Variants in PCDHGB2 observed in about 807,000 individuals in gnomAD.
PCDHGB2 encodes protocadherin gamma-B2.
A neutral mutation model predicts 59.3 loss-of-function variants in PCDHGB2; 55 were observed. The observed-to-expected ratio is 0.93, with a 90% CI of 0.75 to 1.16. The LOEUF (loss-of-function observed/expected upper bound fraction) is 1.16. Among genes scored for constraint, PCDHGB2 ranks in the 50% most tolerant of loss-of-function variants. The pLI is 0.00. For synonymous variants in PCDHGB2, 516 were observed against 512.0 expected (o/e 1.01, Z -0.11); for missense variants, 1,228 against 1,198.5 (o/e 1.02, Z -0.36).
intron 1 of PCDHGB2, chr5:141,413,750 G>T (rs1325273363): frequency 6.2e-7 from 1 of 1,612,538 alleles, no homozygotes; most frequent in African/African-American, 1.3e-5. Flanking sequence ...CGTGCCAATG[G>T]CGTCAAGTAC....
intron 1 of PCDHGB2, chr5:141,378,642 C>T (rs780445527): frequency 5.9e-5 from 9 of 152,098 alleles, no homozygotes; most frequent in Non-Finnish European, 1.3e-4. Context: ...AATGGGAGAA[C>T]AAATGTTAAT....
chr5:141,479,636 CA>C (rs1397283180), intron 1 of PCDHGB2: 1 of 152,080 alleles, frequency 6.6e-6, no homozygotes, highest in African/African-American at 2.4e-5. Flanking sequence ...TTAACAATAA[CA>C]ACAACAACAA....
chr5:141,506,935 G>A (rs1375246477), intron 3 of PCDHGB2, among the ~76,000 whole-genome samples: 3 of 152,116 alleles, frequency 2.0e-5, no homozygotes, highest in African/African-American at 7.2e-5. Context: ...AACTTTAGGG[G>A]CCTCCTGTCA....
intron 1 of PCDHGB2, among the ~76,000 whole-genome samples, chr5:141,463,573 C>T (rs1331124291): frequency 6.6e-6 from 1 of 151,436 alleles, no homozygotes; most frequent in East Asian, 1.9e-4. Flanking sequence ...CTCAGCCTCC[C>T]GAGTAGCTGG....
At chr5:141,508,859 G>C (rs1268915304) in intron 3 of PCDHGB2, among the ~76,000 whole-genome samples, 1 of 152,086 alleles carries the variant, frequency 6.6e-6, no homozygotes, top group Non-Finnish European at 1.5e-5. Flanking sequence ...CCCAGGCTGG[G>C]AAAGGCTGAA....
Position 141,490,179 on chromosome 5 carries a change from A to G in PCDHGB2, c.2422-4628A>G. On this transcript the variant is annotated intron_variant, in intron 1 of 3. Transcript: ENST00000522605. This position sits in a 1 kb window ranked among gnomAD's most constrained non-coding sequence, Gnocchi z 5.4. Reference sequence around the variant, plus strand: ...TGGGTCCCATAGACTTTGAGGAGTCACGTTTCTATGAAATTCATGCAAGAG... The same window carrying G: ...TGGGTCCCATAGACTTTGAGGAGTCGCGTTTCTATGAAATTCATGCAAGAG... 1 of 1,614,202 alleles carries G rather than the reference A, an allele frequency of 6.2e-7. No individual in the cohort carries two copies. Among genetic ancestry groups the G allele is most frequent in the East Asian group, 2.2e-5 (1 of 44,882 alleles).
chr5:141,400,058 ATGG>A (rs2093953327), intron 1 of PCDHGB2: 1 of 1,613,570 alleles, frequency 6.2e-7, no homozygotes, highest in Admixed American at 1.7e-5. Flanking sequence ...GCTGTGCGTG[ATGG>A]TGGACAGCCG....
Position 141,458,000 on chromosome 5 carries a change from A to G in PCDHGB2, c.2422-36807A>G, listed in dbSNP as rs1047291886. ...CACCCTTTCAGTTAAAGCCTTGGCA[A>G]AATAACCGGTTTTTCCAATTGTGTT... On this transcript the variant is annotated intron_variant, in intron 1 of 3. Coordinates refer to ENST00000522605, the MANE Select transcript of PCDHGB2 (RefSeq NM_018923.3). Among the ~76,000 whole-genome samples, 4 of 152,214 alleles carry G rather than the reference A, an allele frequency of 2.6e-5. No homozygotes were observed. In the East Asian group the frequency reaches 5.8e-4, roughly 22 times the overall value.
intron 1 of PCDHGB2, among the ~76,000 whole-genome samples, chr5:141,445,356 A>C (rs1333905692): frequency 6.6e-6 from 1 of 152,202 alleles, no homozygotes; most frequent in Non-Finnish European, 1.5e-5. Flanking sequence ...TGTCTGCCCA[A>C]GTCTGGTCCT....
At chr5:141,384,697 C>A in intron 1 of PCDHGB2, 1 of 1,614,142 alleles carries the variant, frequency 6.2e-7, no homozygotes, top group South Asian at 1.1e-5. Flanking sequence ...AGATTCAGGC[C>A]AGAACGCCTG....
In PCDHGB2 at chr5:141,374,991, C is replaced by T. The variant is rs1470236717; in HGVS notation, c.2421+12435C>T. 4 of 1,614,036 alleles carry T rather than the reference C, an allele frequency of 2.5e-6. No individual in the cohort carries two copies. The Admixed American group carries it at 5.0e-5, about 20-fold the overall frequency. ...AATGTTTTGACTGGAGAAATTTCAACTTCTGCAAATCTAGACTATGAGGAC... is the reference window on the plus strand; with the variant it reads ...AATGTTTTGACTGGAGAAATTTCAATTTCTGCAAATCTAGACTATGAGGAC... On this transcript the variant is annotated intron_variant, in intron 1 of 3. Transcript: ENST00000522605.
chr5:141,384,094 G>C (rs1223052119), intron 1 of PCDHGB2: 4 of 1,596,266 alleles, frequency 2.5e-6, no homozygotes, highest in Non-Finnish European at 3.4e-6. Flanking sequence ...AAAATCAATA[G>C]ATAATTATTA....
chr5:141,431,127 T>C lies in PCDHGB2; in HGVS notation c.2422-63680T>C, dbSNP rs1455709617. ...AAAATATATGGAGTAGAAGTAGAAG[T>C]AAGGGACATTAACGACAATGCGCCT... On this transcript the variant is annotated intron_variant, in intron 1 of 3. Transcript: ENST00000522605. This position sits in a 1 kb window ranked among gnomAD's most constrained non-coding sequence, Gnocchi z 4.8. 1 of 1,614,176 alleles carries C rather than the reference T, an allele frequency of 6.2e-7. No individual in the cohort carries two copies. Among genetic ancestry groups the C allele is most frequent in the East Asian group, 2.2e-5 (1 of 44,878 alleles).
In PCDHGB2 at chr5:141,383,993, T is replaced by G. The variant is rs1779669421; in HGVS notation, c.2421+21437T>G. The G allele has an allele frequency of 3.7e-6, 6 of 1,613,872 alleles. No individual in the cohort carries two copies. The highest frequency in any genetic ancestry group is 1.6e-4 in the Middle Eastern group (1 of 6,062). ...CCTGAAGACACACCTCTTGGGACAG[T>G]CATTGCTCTTTTCTACCTACAAGAC... On this transcript the variant is annotated intron_variant, in intron 1 of 3. Transcript: ENST00000522605.
chr5:141,383,546 A>G (rs747474981), intron 1 of PCDHGB2: 1 of 1,612,542 alleles, frequency 6.2e-7, no homozygotes, highest in Non-Finnish European at 8.5e-7. Flanking sequence ...ACAGCCTCTG[A>G]TGGCGGCGAC....
intron 1 of PCDHGB2, chr5:141,428,211 C>A: frequency 7.8e-7 from 1 of 1,284,316 alleles, no homozygotes; most frequent in Non-Finnish European, 1.1e-6. Context: ...CTACGCTTCA[C>A]CTAGTCTTCG....
At position 141,438,631 on chromosome 5, in the gene PCDHGB2, T is replaced by C. The variant is rs1227796079; in HGVS notation, c.2422-56176T>C. 6.5e-4 allele frequency among the ~76,000 whole-genome samples: 28 copies of C among 43,202 alleles called. 1 individual carries two copies. Among genetic ancestry groups the C allele is most frequent in the Non-Finnish European group, 8.8e-4 (23 of 26,272 alleles). 28.3% of individuals were successfully genotyped at this position (43,202 alleles called of 152,430 possible). On this transcript the variant is annotated intron_variant, in intron 1 of 3. Transcript: ENST00000522605. ...ATATATATATATATATATATATATATATATACACACACACACACACATATA... is the reference window on the plus strand; with the variant it reads ...ATATATATATATATATATATATATACATATACACACACACACACACATATA...
chr5:141,387,136 T>G (rs985189189), intron 1 of PCDHGB2, among the ~76,000 whole-genome samples: 1 of 152,210 alleles, frequency 6.6e-6, no homozygotes, highest in Non-Finnish European at 1.5e-5. Context: ...CTGAAACTAT[T>G]GGGAAGGGGG....
intron 1 of PCDHGB2, chr5:141,410,052 T>C: frequency 6.2e-7 from 1 of 1,613,122 alleles, no homozygotes; most frequent in Non-Finnish European, 8.5e-7. Context: ...CCCGGACTCT[T>C]CAGCCTGGGG....
Sources: allele counts gnomAD v4.1 joint callset (sites outside exome capture counted in the v4.1 genomes callset), GRCh38; gene constraint gnomAD v4.1.1; non-coding constraint Gnocchi (gnomAD v3.1); transcripts MANE v1.5; gene names NCBI Gene and HGNC (gene_info 2026-07-23, HGNC 2026-07-21).